CYB5RL: variants seen among roughly 807,000 people sequenced by gnomAD.
The protein encoded by CYB5RL is cytochrome b5 reductase like.
In CYB5RL, 38 loss-of-function variants were observed where a neutral mutation model predicts 37.5. The ratio of observed to expected loss-of-function variants is 1.01; its 90% CI spans 0.78 to 1.33. The LOEUF (loss-of-function observed/expected upper bound fraction) is 1.33, where lower values mean the gene tolerates loss of function less well. Among genes scored for constraint, CYB5RL ranks in the 40% most tolerant of loss-of-function variants. The pLI is 0.00. For missense variants in CYB5RL, 388 were observed against 394.4 expected, an observed-to-expected ratio of 0.98 and a Z score of 0.14; for synonymous variants, 141 against 151.9, an observed-to-expected ratio of 0.93 and a Z score of 0.53.
At position 54,187,680 on chromosome 1, in the gene CYB5RL, G is replaced by C. The variant is rs765848741; in HGVS notation, c.407C>G (p.Ala136Gly). ...AATTAACACTTCAAAGTATCCTTCT[G>C]CGTTGGCAGGGCTGATGGGCGTATA... The part of the protein sequence containing the change: ...RAYTPISPAN[A>G]EGYFEVLIKC... The change falls in exon 5 of 8, where the codon GCA becomes GGA. Residue 136 changes from alanine (A) to glycine (G), a missense_variant. Physicochemically the swap from Ala to Gly is moderately conservative, Grantham distance 60. Transcript: ENST00000534324. 2 of 1,613,990 alleles carry C rather than the reference G, an allele frequency of 1.2e-6. No individual in the cohort carries two copies. Among genetic ancestry groups the C allele is most frequent in the Non-Finnish European group, 1.7e-6 (2 of 1,179,886 alleles).
Position 54,190,829 on chromosome 1 carries a change from G to C in CYB5RL, c.266C>G (p.Thr89Ser), listed in dbSNP as rs1413186021. 11 of 1,602,866 alleles carry C rather than the reference G, an allele frequency of 6.9e-6. No individual in the cohort carries two copies. Among genetic ancestry groups the C allele is most frequent in the Non-Finnish European group, 9.4e-6 (11 of 1,175,018 alleles). Residue 89 changes from threonine to serine, a missense_variant, in exon 4 of 8, where the codon ACT becomes AGT. Physicochemically the swap from Thr to Ser is moderately conservative, Grantham distance 58. Transcript: ENST00000534324. ...AAACCGGACACGGTAGGTGTCCTTA[G>C]TGAGCCTGTCCATGGCAATGATGCA... ...AFCIIAMDRL[T>S]KDTYRVRFAL... is the part of the protein sequence containing the mutation.
At chr1:54,190,563 T>C in intron 4 of CYB5RL, 185 bp downstream of exon 4, 1 of 707,756 alleles carries the variant, frequency 1.4e-6, no homozygotes, top group East Asian at 2.7e-5. Flanking sequence ...ATTGTGTTAT[T>C]ATTTATTATG....
intron 7 of CYB5RL, among the ~76,000 whole-genome samples, chr1:54,176,266 C>A (rs1053979106): frequency 2.6e-5 from 4 of 152,236 alleles, no homozygotes; most frequent in African/African-American, 9.6e-5. Flanking sequence ...GGTGCAGTGG[C>A]TCAAGCCTGT....
chr1:54,178,959 G>A (rs1389754318), intron 7 of CYB5RL, among the ~76,000 whole-genome samples, 190 bp downstream of exon 7: 1 of 152,186 alleles, frequency 6.6e-6, no homozygotes, highest in Non-Finnish European at 1.5e-5. Flanking sequence ...TTCACCCACT[G>A]AATGTGCATC....
At chr1:54,191,878 G>A (rs56353083) in intron 3 of CYB5RL, among the ~76,000 whole-genome samples, 17,708 of 152,188 alleles carry the variant, frequency 0.12, 1,163 homozygotes, top group African/African-American at 0.17. Flanking sequence ...ACTGGGAGTC[G>A]GGAGAACTGG....
intron 4 of CYB5RL, 121 bp from the exon 5 acceptor site, chr1:54,187,860 G>C (rs1388035446): frequency 3.9e-6 from 3 of 774,516 alleles, no homozygotes; most frequent in Non-Finnish European, 6.5e-6. Context: ...CTGATCACTT[G>C]AGGTCAGGAG....
chr1:54,175,544 AT>A (rs933886729), intron 7 of CYB5RL: 2 of 320,716 alleles, frequency 6.2e-6, no homozygotes, highest in Non-Finnish European at 6.6e-6. Flanking sequence ...AATTTCTTCT[AT>A]TTTTTTAAAT....
At position 54,188,966 on chromosome 1, in the gene CYB5RL, C is replaced by T. The variant is rs772108627; in HGVS notation, c.348-1227G>A. ...CTGGGAGGCCAAAGTGGGCGGATCA[C>T]GAGGTCAAGAGATCGAGACCATCCT... On this transcript the variant is annotated intron_variant, in intron 4 of 7. Transcript: ENST00000534324. Among the ~76,000 whole-genome samples the T allele has an allele frequency of 6.8e-4, 104 of 152,274 alleles. 5 individuals carry two copies. Among genetic ancestry groups the T allele is most frequent in the Admixed American group, 4.6e-4 (7 of 15,294 alleles).
intron 7 of CYB5RL, among the ~76,000 whole-genome samples, chr1:54,175,209 C>T (rs1218172225): frequency 1.3e-5 from 2 of 152,204 alleles, no homozygotes; most frequent in East Asian, 3.9e-4. Flanking sequence ...TCATCATCAC[C>T]CTCGGAGCAT....
intron 7 of CYB5RL, chr1:54,175,504 T>C (rs1330761994): frequency 7.5e-5 from 23 of 306,534 alleles, no homozygotes; most frequent in South Asian, 6.0e-4. Flanking sequence ...GGTCACAAAA[T>C]GAAGGCTCCA....
intron 3 of CYB5RL, among the ~76,000 whole-genome samples, chr1:54,194,286 C>T (rs569406003): frequency 6.6e-6 from 1 of 151,860 alleles, no homozygotes; most frequent in Admixed American, 6.6e-5. Context: ...AGGAGAATCG[C>T]TTGAACCTGG....
At position 54,174,588 on chromosome 1, in the gene CYB5RL, C is replaced by T. The variant is rs372959398; in HGVS notation, c.*31G>A. On this transcript the variant is annotated 3_prime_UTR_variant, in exon 8 of 8. Coordinates refer to ENST00000534324, the MANE Select transcript of CYB5RL (RefSeq NM_001031672.4). ...CCTTCCTGGGTCCCAGTAGCAGGCT[C>T]ATGGCCTAGGCTTTGGAAGAGAGGC... 1 of 1,581,828 alleles carries T rather than the reference C, an allele frequency of 6.3e-7. No homozygotes were observed. The highest frequency in any genetic ancestry group is 8.6e-7 in the Non-Finnish European group (1 of 1,164,678).
chr1:54,182,880 A>G (rs952840689), intron 6 of CYB5RL, among the ~76,000 whole-genome samples: 1 of 152,232 alleles, frequency 6.6e-6, no homozygotes, highest in African/African-American at 2.4e-5. Flanking sequence ...AATTAAACAA[A>G]AAGAATGGAG....
intron 5 of CYB5RL, 96 bp from the exon 6 acceptor site, chr1:54,184,361 G>A (rs1183211444): frequency 1.5e-5 from 15 of 1,004,528 alleles, no homozygotes; most frequent in Non-Finnish European, 2.3e-5. Context: ...TGTATGCTAA[G>A]TGCTTCACAT....
chr1:54,180,348 G>A (rs528721072), intron 6 of CYB5RL: 5 of 330,122 alleles, frequency 1.5e-5, no homozygotes, highest in African/African-American at 4.4e-5. Context: ...GTGAACCTCT[G>A]TAATCCCAGC....
At chr1:54,179,460 C>T (rs1465103742) in intron 6 of CYB5RL, 108 bp from the exon 7 acceptor site, 1 of 1,158,092 alleles carries the variant, frequency 8.6e-7, no homozygotes, top group Non-Finnish European at 1.2e-6. Context: ...CGGCAGTGCC[C>T]TTCCTTGGTG....
intron 1 of CYB5RL, among the ~76,000 whole-genome samples, chr1:54,197,832 T>TA (rs918486328): frequency 1.3e-5 from 2 of 151,844 alleles, no homozygotes; most frequent in African/African-American, 4.8e-5. Context: ...CCATCCTGGC[T>TA]AACACGGTGA....
At position 54,198,533 on chromosome 1, in the gene CYB5RL, T is replaced by C. The variant is rs1235795449; in HGVS notation, c.-223+1443A>G. Among the ~76,000 whole-genome samples, 3 of 151,768 alleles carry C rather than the reference T, an allele frequency of 2.0e-5. No individual in the cohort carries two copies. In the East Asian group the frequency reaches 5.8e-4, roughly 29 times the overall value. On this transcript the variant is annotated intron_variant, in intron 1 of 7. Coordinates refer to ENST00000534324, the MANE Select transcript of CYB5RL (RefSeq NM_001031672.4). Reference sequence around the variant, plus strand: ...ATTTTTAGTAGAGACGGGGTTTCACTGTGTTAGCCAGGATGGTCTGATCTC... The same window carrying C: ...ATTTTTAGTAGAGACGGGGTTTCACCGTGTTAGCCAGGATGGTCTGATCTC...
chr1:54,190,934 C>A (rs778105112), intron 3 of CYB5RL, 38 bp from the exon 4 acceptor site: 1 of 1,597,784 alleles, frequency 6.3e-7, no homozygotes, highest in Admixed American at 1.7e-5. Context: ...GAGGCCGGGG[C>A]TCCACAGACA....
Sources: gnomAD v4.1 joint callset for allele counts (sites outside exome capture counted in the v4.1 genomes callset) on GRCh38, gnomAD v4.1.1 for gene constraint, MANE v1.5 for transcripts, NCBI Gene and HGNC (gene_info 2026-07-23, HGNC 2026-07-21) for gene names.